OSBPL1A: variants seen among roughly 807,000 people sequenced by gnomAD.
OSBPL1A encodes the protein oxysterol-binding protein-related protein 1.
OSBPL1A carries 80 observed loss-of-function variants against 137.1 expected under a neutral mutation model. The observed-to-expected ratio is 0.58, with a 90% confidence interval of 0.49 to 0.70. OSBPL1A has a LOEUF of 0.70. Ranked by LOEUF, OSBPL1A falls within the 30% of genes least tolerant of loss-of-function variation. The pLI, the probability that OSBPL1A is intolerant of heterozygous loss-of-function variation, is 0.00. For synonymous variants in OSBPL1A, 365 were observed against 389.7 expected (o/e 0.94, Z 0.75); for missense variants, 970 against 1,129.4 (o/e 0.86, Z 2.02).
chr18:24,371,997 C>T (rs76785796), intron 2 of OSBPL1A, among the ~76,000 whole-genome samples: 9,907 of 152,226 alleles, frequency 0.065, 391 homozygotes, highest in Middle Eastern at 0.099. Context: ...GTACTTCAGC[C>T]GGGCATGGTG....
chr18:24,193,839 G>A (rs1191481309), intron 18 of OSBPL1A, among the ~76,000 whole-genome samples: 5 of 152,132 alleles, frequency 3.3e-5, no homozygotes, highest in Non-Finnish European at 1.5e-5. Flanking sequence ...ACAGCTCTAT[G>A]TTTATTTGTT....
intron 7 of OSBPL1A, among the ~76,000 whole-genome samples, chr18:24,326,300 G>A (rs946570044): frequency 1.3e-5 from 2 of 152,166 alleles, no homozygotes; most frequent in African/African-American, 2.4e-5. Flanking sequence ...CAACTAAAAT[G>A]AAGAGACACT....
chr18:24,326,950 T>C (rs939195057), intron 7 of OSBPL1A, among the ~76,000 whole-genome samples: 1 of 152,310 alleles, frequency 6.6e-6, no homozygotes, highest in East Asian at 1.9e-4. Flanking sequence ...GCATTAGTTC[T>C]ACAATTTTTA....
chr18:24,200,460 G>C (rs1056448182), intron 17 of OSBPL1A, among the ~76,000 whole-genome samples: 1 of 151,600 alleles, frequency 6.6e-6, no homozygotes, highest in African/African-American at 2.4e-5. Context: ...TACTTGGGAG[G>C]CTGAGGCAGG....
At chr18:24,373,988 T>G (rs1905883966) in intron 2 of OSBPL1A, among the ~76,000 whole-genome samples, 1 of 152,120 alleles carries the variant, frequency 6.6e-6, no homozygotes, top group Non-Finnish European at 1.5e-5. Context: ...GACTTTCTCC[T>G]AATTAGCCTG....
chr18:24,237,502 A>G (rs1340832312), intron 16 of OSBPL1A, among the ~76,000 whole-genome samples: 1 of 152,030 alleles, frequency 6.6e-6, no homozygotes, highest in Non-Finnish European at 1.5e-5. Flanking sequence ...ACGGGGTTTC[A>G]CCATGTTGCC....
intron 2 of OSBPL1A, among the ~76,000 whole-genome samples, chr18:24,376,346 C>T (rs1434755069): frequency 6.6e-6 from 1 of 152,342 alleles, no homozygotes; most frequent in African/African-American, 2.4e-5. Flanking sequence ...TAGCTAGATA[C>T]AGAGTATTGA....
At chr18:24,193,482 C>T (rs1178581544) in intron 18 of OSBPL1A, among the ~76,000 whole-genome samples, 4 of 141,286 alleles carry the variant, frequency 2.8e-5, no homozygotes, top group African/African-American at 8.2e-5. Flanking sequence ...AGTGAGACTC[C>T]GACTCAAAAA....
chr18:24,287,052 T>C (rs2090077516), intron 14 of OSBPL1A, among the ~76,000 whole-genome samples: 1 of 151,972 alleles, frequency 6.6e-6, no homozygotes, highest in South Asian at 2.1e-4. Context: ...TAGAAAAGAG[T>C]ACAAGTCACA....
intron 14 of OSBPL1A, among the ~76,000 whole-genome samples, chr18:24,302,166 G>A (rs193225853): frequency 2.7e-5 from 4 of 150,734 alleles, no homozygotes; most frequent in Admixed American, 1.3e-4. Flanking sequence ...CACGGGAGGC[G>A]GAGCTTGCAG....
rs967787268 is a variant in OSBPL1A, at chr18:24,368,443, A to G, written c.122-71T>C. On this transcript the variant is annotated intron_variant, in intron 2 of 27. Coordinates refer to ENST00000319481, the MANE Select transcript of OSBPL1A (RefSeq NM_080597.4). ...ATTTTACAACGAAATTAACTTCTCC[A>G]TAACAAGCTACCTCAATAATCTCCT... 5 of 1,111,932 alleles carry G rather than the reference A, an allele frequency of 4.5e-6. No individual in the cohort carries two copies. In the African/African-American group the frequency reaches 6.2e-5, roughly 14 times the overall value. 68.9% of individuals were successfully genotyped at this position (1,111,932 alleles called of 1,614,324 possible). A position where few individuals can be genotyped will look rare whatever the true frequency, so the allele number is the denominator to read the frequency against.
intron 14 of OSBPL1A, among the ~76,000 whole-genome samples, chr18:24,289,418 G>GTTTTTTTTTTTTTTTT (rs536281272): frequency 3.2e-5 from 3 of 94,202 alleles, no homozygotes; most frequent in Non-Finnish European, 5.9e-5. Context: ...GTTTTTTCCT[G>GTTTTTTTTTTTTTTTT]TTTTTTTTTT....
intron 17 of OSBPL1A, among the ~76,000 whole-genome samples, chr18:24,215,162 T>C (rs1327628229): frequency 6.6e-6 from 1 of 152,238 alleles, no homozygotes; most frequent in African/African-American, 2.4e-5. Flanking sequence ...CATAGTAAAA[T>C]ACCTGTCCTG....
chr18:24,390,559 G>T (rs1002922467), intron 1 of OSBPL1A, among the ~76,000 whole-genome samples: 1 of 151,732 alleles, frequency 6.6e-6, no homozygotes, highest in African/African-American at 2.4e-5. Context: ...GCTGGGCATG[G>T]TGGCACATGC....
At position 24,278,558 on chromosome 18, in the gene OSBPL1A, G is replaced by A. The variant is rs569480223; in HGVS notation, c.1281+2284C>T. ...CTCTTGCACATCTAAATAACCTAAA[G>A]AATTAGGTTATTTTTTAAGCAGATA... On this transcript the variant is annotated intron_variant, in intron 15 of 27. Transcript: ENST00000319481. 3.3e-5 allele frequency among the ~76,000 whole-genome samples: 5 copies of A among 152,192 alleles called. No homozygotes were observed. The South Asian group carries it at 1.0e-3, about 32-fold the overall frequency.
At chr18:24,345,141 A>C (rs946769061) in intron 4 of OSBPL1A, among the ~76,000 whole-genome samples, 5 of 152,100 alleles carry the variant, frequency 3.3e-5, no homozygotes, top group Non-Finnish European at 7.3e-5. Context: ...AAAAAAAAAT[A>C]AAAAAATCAA....
At chr18:24,237,508 T>C (rs1217050242) in intron 16 of OSBPL1A, among the ~76,000 whole-genome samples, 1 of 152,184 alleles carries the variant, frequency 6.6e-6, no homozygotes, top group Non-Finnish European at 1.5e-5. Context: ...TTTCACCATG[T>C]TGCCCAGGCT....
chr18:24,233,552 CATTT>C (rs1225444773), intron 16 of OSBPL1A, among the ~76,000 whole-genome samples: 1 of 152,192 alleles, frequency 6.6e-6, no homozygotes, highest in African/African-American at 2.4e-5. Flanking sequence ...ATTCGACAAG[CATTT>C]AGAGAACTCT....
chr18:24,307,019 G>A (rs1324399523), intron 13 of OSBPL1A, among the ~76,000 whole-genome samples: 1 of 151,406 alleles, frequency 6.6e-6, no homozygotes, highest in East Asian at 1.9e-4. Flanking sequence ...CACTTTGGGA[G>A]GCTGAGGCAA....
Sources: gnomAD v4.1 joint callset for allele counts (sites outside exome capture counted in the v4.1 genomes callset) on GRCh38, gnomAD v4.1.1 for gene constraint, MANE v1.5 for transcripts, NCBI Gene and HGNC (gene_info 2026-07-23, HGNC 2026-07-21) for gene names.